The following CDC42EP4 variants were observed in gnomAD, a reference collection of about 807,000 sequenced individuals.
CDC42EP4 encodes the protein CDC42 effector protein 4, also known as CDC42 effector protein (Rho GTPase binding) 4.
Under a neutral mutation model 5.6 loss-of-function variants are expected in CDC42EP4, and 6 were observed. That is an observed-to-expected ratio of 1.07 (90% CI 0.59 to 2.12). The LOEUF is 2.12. Among genes scored for constraint, CDC42EP4 ranks in the 30% most tolerant of loss-of-function variants. The probability of loss-of-function intolerance (pLI) is 0.00; values close to 1 mark genes in which losing one functional copy is unlikely to be tolerated. For missense variants in CDC42EP4, 490 were observed against 508.6 expected (o/e 0.96, Z 0.35); for synonymous variants, 230 against 224.2 (o/e 1.03, Z -0.23).
At chr17:73,305,908 G>C (rs1285407217) in intron 1 of CDC42EP4, among the ~76,000 whole-genome samples, 1 of 152,182 alleles carries the variant, frequency 6.6e-6, no homozygotes, top group African/African-American at 2.4e-5. Context: ...ATCTGATGCA[G>C]GGGGAAGGGT....
chr17:73,297,308 A>G (rs2062193365), intron 1 of CDC42EP4, among the ~76,000 whole-genome samples: 1 of 147,978 alleles, frequency 6.8e-6, no homozygotes, highest in African/African-American at 2.5e-5. Flanking sequence ...AAAAAAAAAA[A>G]AACACACACA....
chr17:73,301,003 G>T (rs778371826), intron 1 of CDC42EP4, among the ~76,000 whole-genome samples: 2 of 150,624 alleles, frequency 1.3e-5, no homozygotes, highest in East Asian at 3.9e-4. Context: ...CAGAGATCAC[G>T]CCATTGCACT....
At position 73,285,950 on chromosome 17, in the gene CDC42EP4, A is replaced by G; in HGVS notation, c.551T>C (p.Phe184Ser). 1 of 1,613,758 alleles carries G rather than the reference A, an allele frequency of 6.2e-7. No individual in the cohort carries two copies. The highest frequency in any genetic ancestry group is 1.3e-5 in the African/African-American group (1 of 75,048). Residue 184 changes from phenylalanine to serine, a missense_variant, in exon 2 of 2, where the codon TTT becomes TCT. Coordinates refer to ENST00000335793, the MANE Select transcript of CDC42EP4 (RefSeq NM_012121.5). The surrounding 1 kb of genome is among the most constrained non-coding windows in gnomAD (Gnocchi z 6.8). ...SPDPLLDEQA[F>S]GDLTDLPVVP... is the part of the protein sequence containing the mutation. ...GACAGGCAGATCTGTCAGATCCCCA[A>G]AGGCCTGCTCATCGAGGAGGGGGTC...
intron 1 of CDC42EP4, among the ~76,000 whole-genome samples, chr17:73,299,929 T>C (rs552545453): frequency 2.6e-5 from 4 of 152,278 alleles, no homozygotes; most frequent in Non-Finnish European, 4.4e-5. Flanking sequence ...TCTGGTGTTC[T>C]GGGAGGTGAG....
At chr17:73,301,319 A>G (rs1181022234) in intron 1 of CDC42EP4, among the ~76,000 whole-genome samples, 1 of 152,222 alleles carries the variant, frequency 6.6e-6, no homozygotes, top group East Asian at 1.9e-4. Context: ...TAATTTAGAC[A>G]TTTTCCCCCT....
chr17:73,285,446 T>C lies in CDC42EP4; in HGVS notation c.1055A>G (p.Asp352Gly). The C allele has an allele frequency of 6.5e-7, 1 of 1,548,040 alleles. No homozygotes were observed. The highest frequency in any genetic ancestry group is 8.8e-7 in the Non-Finnish European group (1 of 1,141,896). The change falls in exon 2 of 2, where the codon GAT (aspartate) becomes GGT (glycine). Residue 352 changes from aspartate (D) to glycine (G), a missense_variant. Coordinates refer to ENST00000335793, the MANE Select transcript of CDC42EP4 (RefSeq NM_012121.5). This position sits in a 1 kb window ranked among gnomAD's most constrained non-coding sequence, Gnocchi z 6.8. The part of the protein sequence containing the change: ...EFSFMDEEEE[D>G]EIRV The stretch of plus-strand genomic sequence containing the variant: ...CTGTCCGCCTCACACACGGATTTCA[T>C]CCTCCTCCTCCTCATCCATGAAGGA...
At chr17:73,301,805 C>T (rs2062220748) in intron 1 of CDC42EP4, among the ~76,000 whole-genome samples, 1 of 150,632 alleles carries the variant, frequency 6.6e-6, no homozygotes, top group African/African-American at 2.4e-5. Flanking sequence ...CTCCAGGGTT[C>T]AAGCGATTCT....
chr17:73,289,846 GGAA>G (rs1235189494), intron 1 of CDC42EP4, among the ~76,000 whole-genome samples: 5 of 149,208 alleles, frequency 3.4e-5, no homozygotes, highest in Admixed American at 2.7e-4. Context: ...GGAAAGGAAA[GGAA>G]GAGAAGAAAG....
chr17:73,287,706 G>C (rs563485635), intron 1 of CDC42EP4, among the ~76,000 whole-genome samples: 1 of 152,230 alleles, frequency 6.6e-6, no homozygotes, highest in South Asian at 2.1e-4. Flanking sequence ...TGGACACCAG[G>C]TACCTGCCTG....
At position 73,285,410 on chromosome 17, in the gene CDC42EP4, G is replaced by T. The variant is rs78835784; in HGVS notation, c.*20C>A. The T allele has an allele frequency of 9.5e-5, 145 of 1,529,080 alleles. 1 individual carries two copies. The East Asian group carries it at 3.1e-3, about 33-fold the overall frequency. The allele number at this position is 1,529,080 out of a possible 1,614,324, so 94.7% of individuals were successfully genotyped here. Reference sequence around the variant, plus strand: ...GAGAAGATGCAGCCAAGAGCTCCCGGTGGCCACCCACTGTCCGCCTCACAC... The same window carrying T: ...GAGAAGATGCAGCCAAGAGCTCCCGTTGGCCACCCACTGTCCGCCTCACAC... On this transcript the variant is annotated 3_prime_UTR_variant, in exon 2 of 2. Coordinates refer to ENST00000335793, the MANE Select transcript of CDC42EP4 (RefSeq NM_012121.5). The surrounding 1 kb of genome is among the most constrained non-coding windows in gnomAD (Gnocchi z 6.8).
intron 1 of CDC42EP4, among the ~76,000 whole-genome samples, chr17:73,290,362 C>T (rs1240289247): frequency 6.6e-6 from 1 of 152,170 alleles, no homozygotes; most frequent in African/African-American, 2.4e-5. Flanking sequence ...CACTGCTGGC[C>T]GGCAGGGTAC....
At chr17:73,308,437 C>T (rs1163455180) in intron 1 of CDC42EP4, among the ~76,000 whole-genome samples, 1 of 152,190 alleles carries the variant, frequency 6.6e-6, no homozygotes. Flanking sequence ...CTCCCTCCCC[C>T]CACAGGGACA....
At chr17:73,293,646 T>A (rs2062171930) in intron 1 of CDC42EP4, among the ~76,000 whole-genome samples, 1 of 152,100 alleles carries the variant, frequency 6.6e-6, no homozygotes, top group Non-Finnish European at 1.5e-5. Context: ...GAGGGGGTTG[T>A]GCAAGAGGCT....
chr17:73,289,450 T>C (rs570354394), intron 1 of CDC42EP4, among the ~76,000 whole-genome samples: 18 of 152,194 alleles, frequency 1.2e-4, no homozygotes, highest in Middle Eastern at 6.8e-3. Flanking sequence ...CAGATCGAGG[T>C]GCCAGGAAGG....
intron 1 of CDC42EP4, among the ~76,000 whole-genome samples, chr17:73,308,672 C>T (rs1307757418): frequency 6.6e-6 from 1 of 152,098 alleles, no homozygotes; most frequent in Non-Finnish European, 1.5e-5. Context: ...TCAGTCACTC[C>T]AAAGGGGTGG....
chr17:73,290,785 C>T (rs945034945), intron 1 of CDC42EP4, among the ~76,000 whole-genome samples: 7 of 152,196 alleles, frequency 4.6e-5, no homozygotes, highest in African/African-American at 9.7e-5. Flanking sequence ...AGGGTTTCAA[C>T]GCCAAGGCAG....
intron 1 of CDC42EP4, among the ~76,000 whole-genome samples, chr17:73,289,859 GGAA>G (rs1464238282): frequency 1.3e-5 from 2 of 149,600 alleles, no homozygotes; most frequent in East Asian, 2.0e-4. Context: ...AGAGAAGAAA[GGAA>G]GAAAGGAAAA....
intron 1 of CDC42EP4, among the ~76,000 whole-genome samples, chr17:73,309,111 C>G (rs1339431756): frequency 6.8e-6 from 1 of 146,172 alleles, no homozygotes; most frequent in East Asian, 2.1e-4. Flanking sequence ...TTTGAGAGGC[C>G]GAGGTGGGGG....
Position 73,285,769 on chromosome 17 carries a change from G to A in CDC42EP4, c.732C>T (p.Gly244=), listed in dbSNP as rs779555869. The change falls in exon 2 of 2, where the codon GGC becomes GGT. Residue 244 remains glycine, a synonymous_variant. Coordinates refer to ENST00000335793, the MANE Select transcript of CDC42EP4 (RefSeq NM_012121.5). The surrounding 1 kb of genome is among the most constrained non-coding windows in gnomAD (Gnocchi z 6.8). ...EGEGGYHGDE[G]AAGTITQAPP... Reference sequence around the variant, plus strand: ...GAGCCTGGGTGATGGTGCCAGCGGCGCCCTCATCGCCATGGTAACCACCCT... The same window carrying A: ...GAGCCTGGGTGATGGTGCCAGCGGCACCCTCATCGCCATGGTAACCACCCT... 19 of 1,597,806 alleles carry A rather than the reference G, an allele frequency of 1.2e-5. No individual in the cohort carries two copies. The highest frequency in any genetic ancestry group is 2.3e-5 in the East Asian group (1 of 44,402).
Sources: gnomAD v4.1 joint callset for allele counts (sites outside exome capture counted in the v4.1 genomes callset) on GRCh38, gnomAD v4.1.1 for gene constraint, Gnocchi (gnomAD v3.1) non-coding constraint, MANE v1.5 for transcripts, NCBI Gene and HGNC (gene_info 2026-07-23, HGNC 2026-07-21) for gene names.